COL14A1: variants seen among roughly 807,000 people sequenced by gnomAD.
COL14A1 encodes the protein collagen alpha-1(XIV) chain.
COL14A1 carries 136 observed loss-of-function variants against 230.3 expected under a neutral mutation model. That is an observed-to-expected ratio of 0.59 (90% confidence interval 0.51 to 0.68). COL14A1 has a LOEUF of 0.68. Among genes scored for constraint, COL14A1 ranks in the 30% least tolerant of loss-of-function variants. The probability of loss-of-function intolerance (pLI) is 0.00; values close to 1 mark genes in which losing one functional copy is unlikely to be tolerated. For missense variants in COL14A1, 1,976 were observed against 2,215.8 expected (o/e 0.89, Z 2.17); for synonymous variants, 792 against 784.1 (o/e 1.01, Z -0.17).
chr8:120,310,408 A>G (rs769744126), intron 37 of COL14A1, among the ~76,000 whole-genome samples: 3 of 152,148 alleles, frequency 2.0e-5, no homozygotes, highest in African/African-American at 4.8e-5. Context: ...CAGAACCACA[A>G]TTTGGTATTA....
chr8:120,367,098 T>C, intron 45 of COL14A1, 73 bp from the exon 46 acceptor site: 1 of 1,283,016 alleles, frequency 7.8e-7, no homozygotes, highest in Non-Finnish European at 1.1e-6. Flanking sequence ...ACTTTCGAAC[T>C]CCAGAAAAAT....
Position 120,228,716 on chromosome 8 carries a change from GT to G in COL14A1, c.2149del (p.Trp717GlyfsTer8). The G allele has an allele frequency of 6.2e-7, 1 of 1,613,636 alleles. No individual in the cohort carries two copies. Among genetic ancestry groups the G allele is most frequent in the South Asian group, 1.1e-5 (1 of 91,020 alleles). Reference protein sequence around the residue: ...VVTAVGTTLDSFWTEPATTIV... With the variant: ...VVTAVGTTLDXFWTEPATTIV... The stretch of plus-strand genomic sequence containing the variant: ...AGTAATATATTGCTTTTAGTTGACA[GT>G]TTTTGGACAGAACCAGCTACAACCA... On this transcript the variant is annotated frameshift_variant, in exon 18 of 48. Transcript: ENST00000297848. LOFTEE classifies it high-confidence loss of function.
At chr8:120,329,714 G>A (rs904372038) in intron 40 of COL14A1, among the ~76,000 whole-genome samples, 6 of 152,136 alleles carry the variant, frequency 3.9e-5, no homozygotes, top group Admixed American at 1.3e-4. Context: ...CTGTATCAGG[G>A]TTTATCAATA....
At chr8:120,350,503 A>G (rs1401316528) in intron 45 of COL14A1, among the ~76,000 whole-genome samples, 2 of 150,690 alleles carry the variant, frequency 1.3e-5, no homozygotes, top group Admixed American at 1.3e-4. Flanking sequence ...TCTCACGTGC[A>G]GAGACATACA....
chr8:120,266,803 G>A (rs774412957), intron 24 of COL14A1, 24 bp from the exon 25 acceptor site: 4 of 1,601,400 alleles, frequency 2.5e-6, no homozygotes, highest in South Asian at 2.2e-5. Context: ...GTGAACTGAT[G>A]TCCTTTCTCC....
chr8:120,283,017 A>T (rs936016965), intron 31 of COL14A1, among the ~76,000 whole-genome samples: 2 of 152,076 alleles, frequency 1.3e-5, no homozygotes, highest in African/African-American at 4.8e-5. Flanking sequence ...ATGACCAGTC[A>T]TTGAAAAGAG....
chr8:120,175,281 G>A (rs563149302), intron 5 of COL14A1, among the ~76,000 whole-genome samples: 23 of 152,222 alleles, frequency 1.5e-4, no homozygotes, highest in East Asian at 3.9e-4. Context: ...TTTCTCTATC[G>A]TTGTCCAAAC....
At chr8:120,159,606 A>C (rs1815591373) in intron 3 of COL14A1, among the ~76,000 whole-genome samples, 2 of 152,278 alleles carry the variant, frequency 1.3e-5, no homozygotes, top group East Asian at 3.9e-4. Flanking sequence ...TCAACAGTTG[A>C]CGTAAACATT....
In COL14A1 at chr8:120,314,272, A is replaced by G. The variant is rs150812895; in HGVS notation, c.4551+245A>G. On this transcript the variant is annotated intron_variant, in intron 38 of 47. Transcript: ENST00000297848. Reference sequence around the variant, plus strand: ...CCATCCGCAAGCATTGTGTCTATAGAGGAAGAACAAAGCTTAGCATGTATA... The same window carrying G: ...CCATCCGCAAGCATTGTGTCTATAGGGGAAGAACAAAGCTTAGCATGTATA... 4.1e-3 allele frequency among the ~76,000 whole-genome samples: 629 copies of G among 152,348 alleles called. 4 individuals are homozygous for G. The highest frequency in any genetic ancestry group is 0.014 in the Middle Eastern group (4 of 294).
chr8:120,180,659 T>C (rs1816431466), intron 5 of COL14A1, among the ~76,000 whole-genome samples: 1 of 150,986 alleles, frequency 6.6e-6, no homozygotes, highest in South Asian at 2.1e-4. Flanking sequence ...GGTTCCAGAA[T>C]TACATAATAG....
At chr8:120,249,007 G>A (rs1818852010) in intron 21 of COL14A1, among the ~76,000 whole-genome samples, 1 of 129,422 alleles carries the variant, frequency 7.7e-6, no homozygotes, top group African/African-American at 3.0e-5. Context: ...CTCACTGCAA[G>A]CTCCGCCTCC....
chr8:120,311,365 T>C (rs57457780), intron 37 of COL14A1, among the ~76,000 whole-genome samples: 1 of 152,272 alleles, frequency 6.6e-6, no homozygotes, highest in East Asian at 1.9e-4. Flanking sequence ...ATGACCCCAG[T>C]GTTTTCTAAC....
At chr8:120,337,226 A>T (rs1272045023) in intron 42 of COL14A1, among the ~76,000 whole-genome samples, 1 of 151,980 alleles carries the variant, frequency 6.6e-6, no homozygotes, top group Admixed American at 6.6e-5. Context: ...CCTGGTCTCT[A>T]CTGAAAAAGA....
chr8:120,284,537 T>G (rs1425136394), intron 32 of COL14A1, among the ~76,000 whole-genome samples: 1 of 152,234 alleles, frequency 6.6e-6, no homozygotes, highest in African/African-American at 2.4e-5. Context: ...ATTTGGAGGC[T>G]ATTACTAGGT....
At chr8:120,244,129 AG>A in intron 20 of COL14A1, 121 bp downstream of exon 20, 2 of 1,189,514 alleles carry the variant, frequency 1.7e-6, no homozygotes, top group South Asian at 3.0e-5. Flanking sequence ...ATTTGGGAAC[AG>A]GAAATCTGTC....
intron 45 of COL14A1, among the ~76,000 whole-genome samples, chr8:120,360,403 C>T (rs1323349946): frequency 1.3e-5 from 2 of 152,182 alleles, no homozygotes; most frequent in East Asian, 1.9e-4. Context: ...ATGCCCTGGC[C>T]TAGACTAGCC....
intron 2 of COL14A1, among the ~76,000 whole-genome samples, chr8:120,151,431 G>A (rs1815275483): frequency 6.6e-6 from 1 of 151,932 alleles, no homozygotes; most frequent in Non-Finnish European, 1.5e-5. Flanking sequence ...ATGAGGTCAG[G>A]AGTTTGAGAC....
chr8:120,136,093 A>G (rs947065290), intron 1 of COL14A1, among the ~76,000 whole-genome samples: 3 of 151,752 alleles, frequency 2.0e-5, no homozygotes, highest in Non-Finnish European at 2.9e-5. Flanking sequence ...TCTGCCTTTT[A>G]TTTCTTTTTC....
intron 40 of COL14A1, among the ~76,000 whole-genome samples, chr8:120,318,458 C>G (rs1292446526): frequency 6.6e-6 from 1 of 152,124 alleles, no homozygotes; most frequent in Non-Finnish European, 1.5e-5. Context: ...TGGCTCTGAT[C>G]TGTTCAGTCA....
Sources: gnomAD v4.1 joint callset for allele counts (sites outside exome capture counted in the v4.1 genomes callset) on GRCh38, gnomAD v4.1.1 for gene constraint, MANE v1.5 for transcripts, NCBI Gene and HGNC (gene_info 2026-07-23, HGNC 2026-07-21) for gene names.